The following TNNI2 variants were observed in gnomAD, a reference collection of about 807,000 sequenced individuals.
The protein encoded by TNNI2 is troponin I2, fast skeletal type.
TNNI2 carries 14 observed loss-of-function variants against 26.5 expected under a neutral mutation model. The observed-to-expected ratio is 0.53, with a 90% CI of 0.35 to 0.83. The LOEUF is 0.83. Ranked by LOEUF, TNNI2 falls within the 40% of genes least tolerant of loss-of-function variation. The pLI is 0.01. For missense variants in TNNI2, 205 were observed against 248.5 expected, an observed-to-expected ratio of 0.82 and a Z score of 1.18; for synonymous variants, 126 against 97.6, an observed-to-expected ratio of 1.29 and a Z score of -1.71.
Position 1,840,548 on chromosome 11 carries a change from G to A in TNNI2, c.78G>A (p.Ala26=), listed in dbSNP as rs778205040. 7.4e-6 allele frequency: 12 copies of A among 1,612,302 alleles called. No individual in the cohort carries two copies. The highest frequency in any genetic ancestry group is 2.7e-5 in the African/African-American group (2 of 74,930). Reference sequence around the variant, plus strand: ...CGCAGAGTGTGATGCTGCAGATAGCGGCCACGGAGCTGGAGAAGGAGGAGA... The same window carrying A: ...CGCAGAGTGTGATGCTGCAGATAGCAGCCACGGAGCTGGAGAAGGAGGAGA... ...QHLKSVMLQI[A]ATELEKEESR... The change falls in exon 5 of 8, where the codon GCG becomes GCA. Residue 26 remains alanine (A), a synonymous_variant. Coordinates refer to ENST00000381911, the MANE Select transcript of TNNI2 (RefSeq NM_003282.4).
chr11:1,840,251 G>A (rs1384720778), intron 3 of TNNI2, 152 bp from the exon 4 acceptor site: 1 of 1,550,370 alleles, frequency 6.5e-7, no homozygotes, highest in South Asian at 1.2e-5. Context: ...CTGGGGCCAG[G>A]GAGGCCCAGC....
chr11:1,840,554 G>A lies in TNNI2; in HGVS notation c.84G>A (p.Thr28=), dbSNP rs549948677. The A allele has an allele frequency of 8.7e-6, 14 of 1,612,524 alleles. No homozygotes were observed. The highest frequency in any genetic ancestry group is 3.3e-5 in the South Asian group (3 of 91,080). Residue 28 remains threonine (T), a synonymous_variant, in exon 5 of 8, where the codon ACG becomes ACA. Coordinates refer to ENST00000381911, the MANE Select transcript of TNNI2 (RefSeq NM_003282.4). Reference sequence around the variant, plus strand: ...GTGTGATGCTGCAGATAGCGGCCACGGAGCTGGAGAAGGAGGAGAGCCGCC... The same window carrying A: ...GTGTGATGCTGCAGATAGCGGCCACAGAGCTGGAGAAGGAGGAGAGCCGCC... The part of the protein sequence containing the change: ...LKSVMLQIAA[T]ELEKEESRRE...
chr11:1,840,482 C>G, intron 4 of TNNI2, 38 bp downstream of exon 4: 1 of 1,610,596 alleles, frequency 6.2e-7, no homozygotes, highest in Non-Finnish European at 8.5e-7. Flanking sequence ...CCAGGTGGGT[C>G]TGCAGGGGAG....
rs1221622299 is a variant in TNNI2 at position 1,840,652 on chromosome 11, T to G, written c.182T>G (p.Val61Gly). 6.2e-7 allele frequency: 1 copy of G among 1,612,684 alleles called. No individual in the cohort carries two copies. The highest frequency in any genetic ancestry group is 1.1e-5 in the South Asian group (1 of 91,080). The change falls in exon 5 of 8, where the codon GTG (valine) becomes GGG (glycine). Residue 61 changes from valine (V) to glycine (G), a missense_variant. Physicochemically the swap from Val to Gly is moderately radical, Grantham distance 109 (BLOSUM62 -3). Transcript: ENST00000381911. ...PLHIPGSMSE[V>G]QELCKQLHAK... ...CATATCCCGGGCTCCATGTCTGAAGTGCAGGTACCAGCCCCTCCCCGGCCA... is the reference window on the plus strand; with the variant it reads ...CATATCCCGGGCTCCATGTCTGAAGGGCAGGTACCAGCCCCTCCCCGGCCA...
chr11:1,841,107 C>T lies in TNNI2; in HGVS notation c.353C>T (p.Ser118Leu), dbSNP rs754865590. 1.4e-5 allele frequency: 23 copies of T among 1,613,066 alleles called. No homozygotes were observed. The highest frequency in any genetic ancestry group is 2.2e-5 in the South Asian group (2 of 91,080). ...CCCCCACTGCGGAGGGTGCGCATGT[C>T]GGCCGATGCCATGCTCAAGGCCCTG... is the stretch of plus-strand genomic sequence containing the variant. ...KRPPLRRVRM[S>L]ADAMLKALLG... Residue 118 changes from serine to leucine, a missense_variant, in exon 7 of 8, where the codon TCG (serine) becomes TTG (leucine). By Grantham distance (145) the Ser-to-Leu change is moderately radical (BLOSUM62 -2). Transcript: ENST00000381911.
chr11:1,840,254 GGCCCAGCCT>G, intron 3 of TNNI2, 140 bp from the exon 4 acceptor site: 1 of 1,550,070 alleles, frequency 6.5e-7, no homozygotes, highest in East Asian at 2.4e-5. Flanking sequence ...GGGCCAGGGA[GGCCCAGCCT>G]GCCCATCATG....
chr11:1,839,515 G>T, intron 1 of TNNI2, 160 bp from the exon 2 acceptor site: 1 of 630,936 alleles, frequency 1.6e-6, no homozygotes, highest in East Asian at 3.0e-5. Context: ...CCAAGACATT[G>T]TCCTTGAAGG....
At chr11:1,839,776 C>A in intron 2 of TNNI2, 72 bp downstream of exon 2, 1 of 1,612,516 alleles carries the variant, frequency 6.2e-7, no homozygotes, top group Non-Finnish European at 8.5e-7. Context: ...ATCACACACT[C>A]CGACCCCGCC....
rs776011771 is a variant in TNNI2, at chr11:1,841,079, C to A, written c.325C>A (p.Arg109=). Reference sequence around the variant, plus strand: ...ATTTGATCTGCGGGGCAAGTTCAAGCGGCCCCCACTGCGGAGGGTGCGCAT... The same window carrying A: ...ATTTGATCTGCGGGGCAAGTTCAAGAGGCCCCCACTGCGGAGGGTGCGCAT... ...KLFDLRGKFK[R]PPLRRVRMSA... is the part of the protein sequence containing the mutation. The change falls in exon 7 of 8, where the codon CGG becomes AGG. Residue 109 remains arginine, a synonymous_variant. Coordinates refer to ENST00000381911, the MANE Select transcript of TNNI2 (RefSeq NM_003282.4). The A allele has an allele frequency of 1.2e-6, 2 of 1,613,168 alleles. No individual in the cohort carries two copies. The highest frequency in any genetic ancestry group is 4.5e-5 in the East Asian group (2 of 44,878).
intron 3 of TNNI2, chr11:1,840,197 G>A (rs939216968): frequency 6.4e-7 from 1 of 1,551,164 alleles, no homozygotes; most frequent in Non-Finnish European, 8.7e-7. Flanking sequence ...GTGCCACCTG[G>A]CAAAGTGTCA....
rs1028200581 is a variant in TNNI2, at chr11:1,839,163, C to A, written c.-23+130C>A. On this transcript the variant is annotated intron_variant, in intron 1 of 7. Coordinates refer to ENST00000381911, the MANE Select transcript of TNNI2 (RefSeq NM_003282.4). ...CCAGCAGCCCCCTTTGGGGCCTGCA[C>A]GGGTCCGGGAGTGAGAAGGAGAGGC... 2.6e-5 allele frequency: 4 copies of A among 156,358 alleles called. No homozygotes were observed. In the South Asian group the frequency reaches 7.1e-4, roughly 28 times the overall value. 9.7% of individuals were successfully genotyped at this position (156,358 alleles called of 1,614,324 possible).
intron 3 of TNNI2, chr11:1,840,062 C>T: frequency 9.3e-7 from 1 of 1,073,342 alleles, no homozygotes; most frequent in Non-Finnish European, 1.4e-6. Context: ...GGAAGTGTGG[C>T]TGTGGCCTGG....
At chr11:1,840,067 G>A in intron 3 of TNNI2, 1 of 1,076,682 alleles carries the variant, frequency 9.3e-7, no homozygotes, top group Non-Finnish European at 1.4e-6. Context: ...TGTGGCTGTG[G>A]CCTGGTCACA....
In TNNI2 at chr11:1,841,024, C is replaced by T. The variant is rs1847164151; in HGVS notation, c.277-7C>T. 5 of 1,612,228 alleles carry T rather than the reference C, an allele frequency of 3.1e-6. No individual in the cohort carries two copies. The highest frequency in any genetic ancestry group is 1.7e-5 in the Admixed American group (1 of 59,954). ...CTCGGGCTCCCACCCGGCTCCCCTG[C>T]CCACAGCTGGAGGACATGAACCAGA... On this transcript the variant is annotated splice_polypyrimidine_tract_variant and splice_region_variant and intron_variant, in intron 6 of 7. Coordinates refer to ENST00000381911, the MANE Select transcript of TNNI2 (RefSeq NM_003282.4).
chr11:1,839,963 G>A (rs1398616455), intron 3 of TNNI2, 108 bp downstream of exon 3: 1 of 1,519,970 alleles, frequency 6.6e-7, no homozygotes, highest in Non-Finnish European at 8.9e-7. Context: ...AAGATGGCCT[G>A]GCCCTCCCCG....
chr11:1,839,792 T>C, intron 2 of TNNI2, 57 bp from the exon 3 acceptor site: 2 of 1,612,568 alleles, frequency 1.2e-6, no homozygotes, highest in South Asian at 1.1e-5. Flanking sequence ...CCGCCAGCCA[T>C]GGCCCTAACC....
In TNNI2 at chr11:1,839,688, G is replaced by A. The variant is rs1285150791; in HGVS notation, c.-9G>A. Reference sequence around the variant, plus strand: ...CTCTCCCCACAGGCTCCAAGCTCAGGACCTCAGGATGGGAGAGTAAGTGGT... The same window carrying A: ...CTCTCCCCACAGGCTCCAAGCTCAGAACCTCAGGATGGGAGAGTAAGTGGT... On this transcript the variant is annotated 5_prime_UTR_variant, in exon 2 of 8. Transcript: ENST00000381911. 1 of 1,613,772 alleles carries A rather than the reference G, an allele frequency of 6.2e-7. No homozygotes were observed. Among genetic ancestry groups the A allele is most frequent in the East Asian group, 2.2e-5 (1 of 44,876 alleles).
In TNNI2 at chr11:1,840,844, A is replaced by G. The variant is rs758345511; in HGVS notation, c.212A>G (p.Lys71Arg). The G allele has an allele frequency of 1.9e-6, 3 of 1,613,292 alleles. No individual in the cohort carries two copies. The highest frequency in any genetic ancestry group is 2.5e-6 in the Non-Finnish European group (3 of 1,179,826). ...VQELCKQLHA[K>R]IDAAEEEKYD... The stretch of plus-strand genomic sequence containing the variant: ...GAGCTCTGCAAACAGCTGCACGCCA[A>G]GATCGATGCGGCTGAAGAGGAGAAG... Residue 71 changes from lysine (K) to arginine (R), a missense_variant, in exon 6 of 8, where the codon AAG becomes AGG. Coordinates refer to ENST00000381911, the MANE Select transcript of TNNI2 (RefSeq NM_003282.4).
At chr11:1,840,000 C>A in intron 3 of TNNI2, 145 bp downstream of exon 3, 3 of 1,291,770 alleles carry the variant, frequency 2.3e-6, no homozygotes, top group East Asian at 2.5e-5. Flanking sequence ...ACCCACCCAC[C>A]AAGACGCTGC....
Sources: allele counts gnomAD v4.1 joint callset, GRCh38; gene constraint gnomAD v4.1.1; transcripts MANE v1.5; gene names NCBI Gene and HGNC (gene_info 2026-07-23, HGNC 2026-07-21).